The following MUC17 variants were observed in gnomAD, a reference collection of about 807,000 sequenced individuals.
MUC17 encodes the protein mucin 17, cell surface associated.
Under a neutral mutation model 170.3 loss-of-function variants are expected in MUC17, and 190 were observed. That is an observed-to-expected ratio of 1.12 (90% CI 0.99 to 1.26). The LOEUF is 1.26. MUC17 is among the 50% of genes most tolerant of loss of function. The pLI, the probability that MUC17 is intolerant of heterozygous loss-of-function variation, is 0.00. For missense variants in MUC17, 6,415 were observed against 5,530.0 expected (o/e 1.16, Z -5.08); for synonymous variants, 2,325 against 2,002.5 (o/e 1.16, Z -4.30).
rs1562817727 is a variant in MUC17 at position 101,041,612 on chromosome 7, C to T, written c.10196C>T (p.Thr3399Ile). The change falls in exon 3 of 13, where the codon ACT becomes ATT. Residue 3399 changes from threonine (T) to isoleucine (I), a missense_variant. Physicochemically the swap from Thr to Ile is moderately conservative, Grantham distance 89. Coordinates refer to ENST00000306151, the MANE Select transcript of MUC17 (RefSeq NM_001040105.2). ...ACCTCAAGTCCTAGTGAAGGAACCACTCCATTAGCAAGTATGCCTGTCAGC... is the reference window on the plus strand; with the variant it reads ...ACCTCAAGTCCTAGTGAAGGAACCATTCCATTAGCAAGTATGCCTGTCAGC... ...IPTSSPSEGT[T>I]PLASMPVSTT... The T allele has an allele frequency of 7.4e-6, 12 of 1,613,852 alleles. No homozygotes were observed. Among genetic ancestry groups the T allele is most frequent in the Non-Finnish European group, 1.0e-5 (12 of 1,179,942 alleles).
chr7:101,027,071 G>A (rs1395712371), intron 1 of MUC17, among the ~76,000 whole-genome samples: 1 of 152,100 alleles, frequency 6.6e-6, no homozygotes, highest in East Asian at 1.9e-4. Context: ...GCTCATGTCT[G>A]TAATTCCAGC....
At chr7:101,049,183 T>C in intron 5 of MUC17, 141 bp from the exon 6 acceptor site, 7 of 1,425,330 alleles carry the variant, frequency 4.9e-6, no homozygotes, top group Non-Finnish European at 4.9e-6. Context: ...GGAGCAGGTC[T>C]CTGGAAAGAA....
chr7:101,046,938 G>T (rs1375877547), intron 3 of MUC17, among the ~76,000 whole-genome samples: 2 of 151,628 alleles, frequency 1.3e-5, no homozygotes, highest in Non-Finnish European at 2.9e-5. Flanking sequence ...AATTAGCTGG[G>T]CGTGGTGGCA....
rs1206093406 is a variant in MUC17, at chr7:101,049,400, T to G, written c.12722+18T>G. 3 of 1,605,730 alleles carry G rather than the reference T, an allele frequency of 1.9e-6. No homozygotes were observed. The highest frequency in any genetic ancestry group is 1.7e-6 in the Non-Finnish European group (2 of 1,175,826). On this transcript the variant is annotated intron_variant, in intron 6 of 12. Transcript: ENST00000306151. ...AAGCTACGGTAAGTGTCTGGGCCCT[T>G]GGGAAGAGGGTCTGTGGCGTGGAAG...
At position 101,051,898 on chromosome 7, in the gene MUC17, T is replaced by A; in HGVS notation, c.13039T>A (p.Phe4347Ile). Reference protein sequence around the residue: ...PYCISPCEPGFSVSKNCNLGK... With the variant: ...PYCISPCEPGISVSKNCNLGK... ...CTGCATCAGCCCCTGTGAGCCTGGC[T>A]TCAGTGTCTCCAAGAACTGTAACCT... The change falls in exon 9 of 13, where the codon TTC (phenylalanine) becomes ATC (isoleucine). Residue 4347 changes from phenylalanine to isoleucine, a missense_variant. Physicochemically the swap from Phe to Ile is conservative, Grantham distance 21 (BLOSUM62 0). Coordinates refer to ENST00000306151, the MANE Select transcript of MUC17 (RefSeq NM_001040105.2). 1 of 1,614,234 alleles carries A rather than the reference T, an allele frequency of 6.2e-7. No homozygotes were observed. Among genetic ancestry groups the A allele is most frequent in the Non-Finnish European group, 8.5e-7 (1 of 1,180,030 alleles).
At position 101,041,212 on chromosome 7, in the gene MUC17, G is replaced by T. The variant is rs1307156084; in HGVS notation, c.9796G>T (p.Ala3266Ser). The T allele has an allele frequency of 1.9e-6, 3 of 1,609,696 alleles. No homozygotes were observed. The East Asian group carries it at 6.7e-5, about 36-fold the overall frequency. Residue 3266 changes from alanine to serine, a missense_variant, in exon 3 of 13, where the codon GCT becomes TCT. Transcript: ENST00000306151. ...TGAAGCCAGTTCATCTCCTCCCACT[G>T]CTGAAGGTACCAGCATGCCAACCTC... The part of the protein sequence containing the change: ...STEASSSPPT[A>S]EGTSMPTSTP...
chr7:101,056,113 C>T, intron 11 of MUC17, 81 bp from the exon 12 acceptor site: 1 of 1,592,882 alleles, frequency 6.3e-7, no homozygotes, highest in Non-Finnish European at 8.6e-7. Context: ...TCTCATCCTC[C>T]ATCAGATGGG....
chr7:101,039,649 A>G lies in MUC17; in HGVS notation c.8233A>G (p.Thr2745Ala). ...TGAAGGTACCAGCATGCGAATCTCA[A>G]CTCCTAGTGATGGAAGTACTCCATT... ...TAEGTSMRIS[T>A]PSDGSTPLTS... The change falls in exon 3 of 13, where the codon ACT (threonine) becomes GCT (alanine). Residue 2745 changes from threonine to alanine, a missense_variant. Thr to Ala is a moderately conservative substitution (Grantham distance 58, BLOSUM62 0). Coordinates refer to ENST00000306151, the MANE Select transcript of MUC17 (RefSeq NM_001040105.2). 1 of 1,609,972 alleles carries G rather than the reference A, an allele frequency of 6.2e-7. No homozygotes were observed. The highest frequency in any genetic ancestry group is 1.7e-4 in the Middle Eastern group (1 of 6,044).
At position 101,032,773 on chromosome 7, in the gene MUC17, C is replaced by T. The variant is rs776237305; in HGVS notation, c.1357C>T (p.Pro453Ser). Residue 453 changes from proline (P) to serine (S), a missense_variant, in exon 3 of 13, where the codon CCA becomes TCA. Coordinates refer to ENST00000306151, the MANE Select transcript of MUC17 (RefSeq NM_001040105.2). ...ATSTPSEGST[P>S]LTSMPVSTTP... ...CTCAACTCCTAGTGAAGGAAGCACT[C>T]CATTAACAAGTATGCCTGTCAGCAC... is the stretch of plus-strand genomic sequence containing the variant. 6.8e-6 allele frequency: 11 copies of T among 1,614,120 alleles called. No individual in the cohort carries two copies. Among genetic ancestry groups the T allele is most frequent in the Non-Finnish European group, 9.3e-6 (11 of 1,180,004 alleles).
intron 7 of MUC17, 112 bp from the exon 8 acceptor site, chr7:101,051,501 C>T (rs1444112989): frequency 2.0e-6 from 2 of 1,013,040 alleles, no homozygotes. Flanking sequence ...GGGCCGGATT[C>T]CCACCTCCCC....
rs777475385 is a variant in MUC17, at chr7:101,039,059, C to G, written c.7643C>G (p.Thr2548Ser). The G allele has an allele frequency of 1.2e-6, 2 of 1,613,520 alleles. No individual in the cohort carries two copies. Among genetic ancestry groups the G allele is most frequent in the African/African-American group, 2.7e-5 (2 of 74,750 alleles). The change falls in exon 3 of 13, where the codon ACT becomes AGT. Residue 2548 changes from threonine (T) to serine (S), a missense_variant. By Grantham distance (58) the Thr-to-Ser change is moderately conservative. Coordinates refer to ENST00000306151, the MANE Select transcript of MUC17 (RefSeq NM_001040105.2). The stretch of plus-strand genomic sequence containing the variant: ...GTTGACTCCAACAGTCCTGTGGTCA[C>G]TTCTACTGAAATCAGTTCATCTGCT... Reference protein sequence around the residue: ...TPVDSNSPVVTSTEISSSATS... With the variant: ...TPVDSNSPVVSSTEISSSATS...
Position 101,036,689 on chromosome 7 carries a change from C to A in MUC17, c.5273C>A (p.Thr1758Asn). The A allele has an allele frequency of 6.2e-7, 1 of 1,613,196 alleles. No homozygotes were observed. Among genetic ancestry groups the A allele is most frequent in the South Asian group, 1.1e-5 (1 of 91,008 alleles). The change falls in exon 3 of 13, where the codon ACC (threonine) becomes AAC (asparagine). Residue 1758 changes from threonine (T) to asparagine (N), a missense_variant. Coordinates refer to ENST00000306151, the MANE Select transcript of MUC17 (RefSeq NM_001040105.2). The stretch of plus-strand genomic sequence containing the variant: ...CCATTAACAAGTATACCTGTCAGCA[C>A]CACGCCGGTACTCAGTTCTGAGGCT... Reference protein sequence around the residue: ...TTPLTSIPVSTTPVLSSEAST... With the variant: ...TTPLTSIPVSNTPVLSSEAST...
chr7:101,056,652 T>C (rs1395891398), intron 12 of MUC17, among the ~76,000 whole-genome samples: 1 of 152,216 alleles, frequency 6.6e-6, no homozygotes, highest in East Asian at 1.9e-4. Flanking sequence ...TATGTTTCTT[T>C]CTTTGTATTG....
At chr7:101,049,410 G>C in intron 6 of MUC17, 28 bp downstream of exon 6, 1 of 1,601,050 alleles carries the variant, frequency 6.2e-7, no homozygotes, top group Middle Eastern at 1.7e-4. Flanking sequence ...TGGGAAGAGG[G>C]TCTGTGGCGT....
chr7:101,038,892 A>G lies in MUC17; in HGVS notation c.7476A>G (p.Glu2492=). Residue 2492 remains glutamate (E), a synonymous_variant, in exon 3 of 13, where the codon GAA becomes GAG. Coordinates refer to ENST00000306151, the MANE Select transcript of MUC17 (RefSeq NM_001040105.2). ...DTSTPMTTST[E]ASSSPTTAED... The stretch of plus-strand genomic sequence containing the variant: ...GCACACCTATGACCACTTCTACTGA[A>G]GCCAGTTCATCTCCTACAACTGCTG... 6.2e-7 allele frequency: 1 copy of G among 1,614,038 alleles called. No individual in the cohort carries two copies. The highest frequency in any genetic ancestry group is 8.5e-7 in the Non-Finnish European group (1 of 1,179,996).
rs1278754381 is a variant in MUC17 at position 101,041,275 on chromosome 7, C to A, written c.9859C>A (p.Pro3287Thr). 1.2e-6 allele frequency: 2 copies of A among 1,611,030 alleles called. No individual in the cohort carries two copies. ...AGGAAGCACTCCATTAACAAGTATG[C>A]CTGTCAGCACCACAACGGTGGCCAG... ...SEGSTPLTSM[P>T]VSTTTVASSE... Residue 3287 changes from proline to threonine, a missense_variant, in exon 3 of 13, where the codon CCT becomes ACT. By Grantham distance (38) the Pro-to-Thr change is conservative. Transcript: ENST00000306151.
chr7:101,030,417 G>T (rs1167608789), intron 1 of MUC17, among the ~76,000 whole-genome samples: 2 of 151,978 alleles, frequency 1.3e-5, no homozygotes, highest in African/African-American at 4.8e-5. Context: ...TAGAGACAGG[G>T]TTTTGCCATG....
Position 101,032,545 on chromosome 7 carries a change from A to T in MUC17, c.1129A>T (p.Thr377Ser). Residue 377 changes from threonine (T) to serine (S), a missense_variant, in exon 3 of 13, where the codon ACT becomes TCT. Physicochemically the swap from Thr to Ser is moderately conservative, Grantham distance 58. Coordinates refer to ENST00000306151, the MANE Select transcript of MUC17 (RefSeq NM_001040105.2). ...TACTGAACCCAGTTCACTTCCTACA[A>T]CTGCTGAAGCTACCAGCATGCTAAC... Reference protein sequence around the residue: ...TSTEPSSLPTTAEATSMLTST... With the variant: ...TSTEPSSLPTSAEATSMLTST... 2.5e-6 allele frequency: 4 copies of T among 1,614,104 alleles called. No homozygotes were observed. The highest frequency in any genetic ancestry group is 3.4e-6 in the Non-Finnish European group (4 of 1,180,014).
chr7:101,054,121 C>G (rs1795008690), intron 11 of MUC17, among the ~76,000 whole-genome samples: 2 of 146,602 alleles, frequency 1.4e-5, no homozygotes, highest in Non-Finnish European at 3.0e-5. Context: ...TGGGAAGACC[C>G]TGAGGCTTAT....
Sources: gnomAD v4.1 joint callset for allele counts (sites outside exome capture counted in the v4.1 genomes callset) on GRCh38, gnomAD v4.1.1 for gene constraint, MANE v1.5 for transcripts, NCBI Gene and HGNC (gene_info 2026-07-23, HGNC 2026-07-21) for gene names.